Variants in NTNG2 observed in about 807,000 individuals in gnomAD.
The protein encoded by NTNG2 is netrin-G2.
NTNG2 carries 15 observed loss-of-function variants against 47.6 expected under a neutral mutation model. That is an observed-to-expected ratio of 0.32 (90% CI 0.21 to 0.49). The LOEUF (loss-of-function observed/expected upper bound fraction) is 0.49, where lower values mean the gene tolerates loss of function less well. Among genes scored for constraint, NTNG2 ranks in the 20% least tolerant of loss-of-function variants. The probability of loss-of-function intolerance (pLI) is 0.99; values close to 1 mark genes in which losing one functional copy is unlikely to be tolerated. For synonymous variants in NTNG2, 307 were observed against 324.6 expected, an observed-to-expected ratio of 0.95 and a Z score of 0.58; for missense variants, 578 against 764.6, an observed-to-expected ratio of 0.76 and a Z score of 2.88.
In NTNG2 at chr9:132,208,294, C is replaced by T. The variant is rs1219532644; in HGVS notation, c.857+9685C>T. Among the ~76,000 whole-genome samples, 1 of 152,044 alleles carries T rather than the reference C, an allele frequency of 6.6e-6. No individual in the cohort carries two copies. The highest frequency in any genetic ancestry group is 1.5e-5 in the Non-Finnish European group (1 of 67,994). On this transcript the variant is annotated intron_variant, in intron 3 of 7. Transcript: ENST00000393229. The surrounding 1 kb of genome is among the most constrained non-coding windows in gnomAD (Gnocchi z 4.0). Reference sequence around the variant, plus strand: ...CTTCTAAGGACTCAGTGTGATGTGGCTGTGGTGGGTGAGTAAGATTCCAAA... The same window carrying T: ...CTTCTAAGGACTCAGTGTGATGTGGTTGTGGTGGGTGAGTAAGATTCCAAA...
chr9:132,224,343 C>T (rs1258657472), intron 3 of NTNG2, among the ~76,000 whole-genome samples: 1 of 152,106 alleles, frequency 6.6e-6, no homozygotes, highest in African/African-American at 2.4e-5. Context: ...CATTAGGACT[C>T]ACTCTGTGTT....
At chr9:132,239,321 G>A (rs1841839071) in intron 6 of NTNG2, 50 bp downstream of exon 6, 1 of 1,602,886 alleles carries the variant, frequency 6.2e-7, no homozygotes, top group African/African-American at 1.3e-5. Context: ...TGCGTGCAGG[G>A]TGCACTGCCC....
chr9:132,228,239 G>A (rs1026560045), intron 4 of NTNG2, among the ~76,000 whole-genome samples: 1 of 152,262 alleles, frequency 6.6e-6, no homozygotes, highest in African/African-American at 2.4e-5. Context: ...ACGTGCAGAG[G>A]CCATGACAGG....
At chr9:132,169,242 T>G (rs1835712793) in intron 2 of NTNG2, among the ~76,000 whole-genome samples, 1 of 152,226 alleles carries the variant, frequency 6.6e-6, no homozygotes, top group South Asian at 2.1e-4. Context: ...CTTAAATATT[T>G]CATCATGGGC....
At chr9:132,191,755 G>A (rs1192977720) in intron 2 of NTNG2, among the ~76,000 whole-genome samples, 2 of 152,050 alleles carry the variant, frequency 1.3e-5, no homozygotes, top group East Asian at 1.9e-4. Context: ...GTATTTTTTA[G>A]TAGAGACGGG....
chr9:132,237,456 A>G (rs1338469134), intron 5 of NTNG2, among the ~76,000 whole-genome samples: 1 of 152,184 alleles, frequency 6.6e-6, no homozygotes, highest in Non-Finnish European at 1.5e-5. Context: ...TGCCCCTGCC[A>G]AGGGCTACAA....
At chr9:132,164,215 G>A (rs1835324305) in intron 1 of NTNG2, among the ~76,000 whole-genome samples, 1 of 152,212 alleles carries the variant, frequency 6.6e-6, no homozygotes, top group Non-Finnish European at 1.5e-5. Context: ...TGTTGTTAGG[G>A]TTTTTTAAAT....
chr9:132,188,640 G>C (rs1454759314), intron 2 of NTNG2, among the ~76,000 whole-genome samples: 1 of 152,180 alleles, frequency 6.6e-6, no homozygotes, highest in Admixed American at 6.5e-5. Context: ...GCTCCCTAAC[G>C]GCGGGGCCTG....
chr9:132,220,706 C>T (rs1019177307), intron 3 of NTNG2, among the ~76,000 whole-genome samples: 2 of 152,108 alleles, frequency 1.3e-5, no homozygotes, highest in African/African-American at 2.4e-5. Context: ...CCTCAGCCTC[C>T]GAAAGTGCTC....
intron 4 of NTNG2, among the ~76,000 whole-genome samples, chr9:132,227,616 C>T (rs1249861665): frequency 6.6e-6 from 1 of 152,178 alleles, no homozygotes; most frequent in African/African-American, 2.4e-5. Context: ...AACTGAGCTT[C>T]CGTTATCCCT....
rs1842123734 is a variant in NTNG2, at chr9:132,243,913, G to C, written c.*1802G>C. ...CTGACCCGGAAGTGCCTTCCGACAG[G>C]CCCTGCATCCTCCTGCAGCTGGCCC... On this transcript the variant is annotated 3_prime_UTR_variant, in exon 8 of 8. Transcript: ENST00000393229. 1 of 152,580 alleles carries C rather than the reference G, an allele frequency of 6.6e-6. No homozygotes were observed. The highest frequency in any genetic ancestry group is 2.4e-5 in the African/African-American group (1 of 41,444). 9.5% of individuals were successfully genotyped at this position (152,580 alleles called of 1,614,324 possible).
rs1395841265 is a variant in NTNG2, at chr9:132,163,694, G to T, written c.-484+1455G>T. On this transcript the variant is annotated intron_variant, in intron 1 of 7. Transcript: ENST00000393229. This position sits in a 1 kb window ranked among gnomAD's most constrained non-coding sequence, Gnocchi z 7.2. ...TGCCCCCAGGGGCCCCGCGCCCGCCGCGGCAAGTTTCCCACACGGCGAGGG... is the reference window on the plus strand; with the variant it reads ...TGCCCCCAGGGGCCCCGCGCCCGCCTCGGCAAGTTTCCCACACGGCGAGGG... Among the ~76,000 whole-genome samples, 1 of 152,204 alleles carries T rather than the reference G, an allele frequency of 6.6e-6. No individual in the cohort carries two copies. The highest frequency in any genetic ancestry group is 2.4e-5 in the African/African-American group (1 of 41,448).
intron 3 of NTNG2, among the ~76,000 whole-genome samples, chr9:132,217,487 G>A (rs929660594): frequency 1.3e-5 from 2 of 152,140 alleles, no homozygotes; most frequent in African/African-American, 4.8e-5. Flanking sequence ...TGTGGCCTTG[G>A]GCAAGTTGCT....
intron 3 of NTNG2, among the ~76,000 whole-genome samples, chr9:132,222,638 G>A (rs1043104770): frequency 6.6e-6 from 1 of 152,086 alleles, no homozygotes; most frequent in Non-Finnish European, 1.5e-5. Context: ...TGAGCATCAC[G>A]GCACAGTGGA....
intron 3 of NTNG2, among the ~76,000 whole-genome samples, chr9:132,213,700 T>G (rs200586400): frequency 6.7e-6 from 1 of 148,520 alleles, no homozygotes; most frequent in Non-Finnish European, 1.5e-5. Context: ...AAATGTTTTT[T>G]CCCAAAACAA....
Position 132,182,482 on chromosome 9 carries a change from G to A in NTNG2, c.213+15438G>A, listed in dbSNP as rs1351236809. ...GAGGCCCAAGTGGGTGGGGGGCTGG[G>A]TGGCCTTCCTTGCTGTCTCTGCCCG... On this transcript the variant is annotated intron_variant, in intron 2 of 7. Coordinates refer to ENST00000393229, the MANE Select transcript of NTNG2 (RefSeq NM_032536.4). This position sits in a 1 kb window ranked among gnomAD's most constrained non-coding sequence, Gnocchi z 4.2. Among the ~76,000 whole-genome samples, 2 of 152,136 alleles carry A rather than the reference G, an allele frequency of 1.3e-5. No individual in the cohort carries two copies. The highest frequency in any genetic ancestry group is 1.3e-4 in the Admixed American group (2 of 15,288).
intron 3 of NTNG2, among the ~76,000 whole-genome samples, chr9:132,225,558 C>T (rs1307012053): frequency 2.0e-5 from 3 of 152,168 alleles, no homozygotes; most frequent in Admixed American, 6.5e-5. Context: ...GTGTGCACCA[C>T]CACGCCTAGC....
chr9:132,189,928 C>T (rs1055908770), intron 2 of NTNG2, among the ~76,000 whole-genome samples: 4 of 146,090 alleles, frequency 2.7e-5, no homozygotes, highest in African/African-American at 5.0e-5. Context: ...GGATTACAGG[C>T]GTGAGCAACT....
chr9:132,214,736 A>G (rs1839847799), intron 3 of NTNG2, among the ~76,000 whole-genome samples: 1 of 152,224 alleles, frequency 6.6e-6, no homozygotes, highest in African/African-American at 2.4e-5. Flanking sequence ...GCCAGATGAA[A>G]TACGGGATAC....
Sources: gnomAD v4.1 joint callset for allele counts (sites outside exome capture counted in the v4.1 genomes callset) on GRCh38, gnomAD v4.1.1 for gene constraint, Gnocchi (gnomAD v3.1) non-coding constraint, MANE v1.5 for transcripts, NCBI Gene and HGNC (gene_info 2026-07-23, HGNC 2026-07-21) for gene names.